The following KDM4A variants were observed in gnomAD, a reference collection of about 807,000 sequenced individuals.
The protein encoded by KDM4A is lysine-specific demethylase 4A.
Under a neutral mutation model 127.1 loss-of-function variants are expected in KDM4A, and 23 were observed. The observed-to-expected ratio is 0.18, with a 90% CI of 0.13 to 0.26. The LOEUF (loss-of-function observed/expected upper bound fraction) is 0.26. Among genes scored for constraint, KDM4A ranks in the 10% least tolerant of loss-of-function variants. The pLI is 1.00. For synonymous variants in KDM4A, 443 were observed against 466.5 expected (o/e 0.95, Z 0.65); for missense variants, 890 against 1,329.1 (o/e 0.67, Z 5.14).
chr1:43,665,551 T>TA, intron 5 of KDM4A, 145 bp from the exon 6 acceptor site: 1 of 668,364 alleles, frequency 1.5e-6, no homozygotes, highest in Non-Finnish European at 2.7e-6. Context: ...AACAGTCTAA[T>TA]ATTTCATTTT....
At chr1:43,656,295 G>GTGTAGGCC in intron 3 of KDM4A, among the ~76,000 whole-genome samples, 1 of 123,450 alleles carries the variant, frequency 8.1e-6, no homozygotes, top group East Asian at 2.4e-4. Context: ...ATCTTTCTTT[G>GTGTAGGCC]TGTAGGCCTG....
chr1:43,699,459 A>G (rs1314339015), intron 19 of KDM4A, among the ~76,000 whole-genome samples: 2 of 152,050 alleles, frequency 1.3e-5, no homozygotes, highest in Non-Finnish European at 2.9e-5. Flanking sequence ...GGTTATTTCA[A>G]GTATCTCTTT....
At chr1:43,676,441 C>T (rs1660743428) in intron 11 of KDM4A, among the ~76,000 whole-genome samples, 1 of 152,136 alleles carries the variant, frequency 6.6e-6, no homozygotes, top group Admixed American at 6.5e-5. Context: ...TTGCCTCAGC[C>T]TCCTGAGTAG....
chr1:43,689,492 T>C (rs1397092082), intron 13 of KDM4A, among the ~76,000 whole-genome samples: 1 of 152,198 alleles, frequency 6.6e-6, no homozygotes, highest in Non-Finnish European at 1.5e-5. Context: ...GATCCTCTAA[T>C]GTTGTTTTTC....
chr1:43,656,242 G>T (rs1255942519), intron 3 of KDM4A, among the ~76,000 whole-genome samples: 1 of 148,710 alleles, frequency 6.7e-6, no homozygotes, highest in East Asian at 2.0e-4. Context: ...GCTATTTTCT[G>T]TCACTCCTTC....
chr1:43,678,857 G>A (rs975085444), intron 11 of KDM4A, among the ~76,000 whole-genome samples: 2 of 152,150 alleles, frequency 1.3e-5, no homozygotes, highest in African/African-American at 4.8e-5. Flanking sequence ...AAAGTGCTGG[G>A]ATATAGGCAT....
At chr1:43,696,297 T>C (rs906849723) in intron 18 of KDM4A, among the ~76,000 whole-genome samples, 3 of 152,008 alleles carry the variant, frequency 2.0e-5, no homozygotes, top group Non-Finnish European at 2.9e-5. Context: ...AGCCAGACCG[T>C]AGTTGGGGAA....
At chr1:43,671,240 T>C (rs1426853740) in intron 10 of KDM4A, among the ~76,000 whole-genome samples, 2 of 152,186 alleles carry the variant, frequency 1.3e-5, no homozygotes, top group African/African-American at 2.4e-5. Flanking sequence ...TTACTGAGTG[T>C]CTGCTGAGTG....
In KDM4A at chr1:43,655,774, G is replaced by A. The variant is rs367739503; in HGVS notation, c.314+8G>A. Reference sequence around the variant, plus strand: ...GATAGCCAATAGCGATAAGTGAGTGGAAACCCTTTCTTACCTGACATAGCA... The same window carrying A: ...GATAGCCAATAGCGATAAGTGAGTGAAAACCCTTTCTTACCTGACATAGCA... On this transcript the variant is annotated splice_region_variant and intron_variant, in intron 3 of 21. Coordinates refer to ENST00000372396, the MANE Select transcript of KDM4A (RefSeq NM_014663.3). 1.2e-6 allele frequency: 2 copies of A among 1,601,902 alleles called. No individual in the cohort carries two copies. Among genetic ancestry groups the A allele is most frequent in the Non-Finnish European group, 8.5e-7 (1 of 1,172,312 alleles).
At chr1:43,667,737 T>A (rs1207671639) in intron 8 of KDM4A, 35 bp from the exon 9 acceptor site, 1 of 1,613,288 alleles carries the variant, frequency 6.2e-7, no homozygotes, top group South Asian at 1.1e-5. Context: ...CAGCAAGGTA[T>A]GCTCACCTGG....
At chr1:43,668,492 C>T (rs1205641285) in intron 9 of KDM4A, among the ~76,000 whole-genome samples, 1 of 152,146 alleles carries the variant, frequency 6.6e-6, no homozygotes, top group Non-Finnish European at 1.5e-5. Flanking sequence ...CTCCAGAAAC[C>T]TGAGAGCCAG....
intron 11 of KDM4A, among the ~76,000 whole-genome samples, chr1:43,675,298 C>A (rs907344579): frequency 6.6e-6 from 1 of 152,216 alleles, no homozygotes; most frequent in Non-Finnish European, 1.5e-5. Context: ...CAGGACTGTG[C>A]CTTCAAGGAG....
At chr1:43,673,368 AC>A (rs879851800) in intron 11 of KDM4A, among the ~76,000 whole-genome samples, 3 of 152,190 alleles carry the variant, frequency 2.0e-5, no homozygotes, top group Non-Finnish European at 4.4e-5. Context: ...AAATACCATC[AC>A]GAGCCCCCGC....
Position 43,670,157 on chromosome 1 carries a change from T to C in KDM4A, c.1363+858T>C, listed in dbSNP as rs1299824743. Among the ~76,000 whole-genome samples the C allele has an allele frequency of 3.9e-5, 6 of 152,230 alleles. No homozygotes were observed. In the East Asian group the frequency reaches 1.2e-3, roughly 29 times the overall value. On this transcript the variant is annotated intron_variant, in intron 10 of 21. Transcript: ENST00000372396. Reference sequence around the variant, plus strand: ...TTATATTTTAAGAGAGGGAGTGGTGTGATCAGTGCTGTTTAGCAGTCACTT... The same window carrying C: ...TTATATTTTAAGAGAGGGAGTGGTGCGATCAGTGCTGTTTAGCAGTCACTT...
At chr1:43,661,330 C>T (rs925094057) in intron 4 of KDM4A, among the ~76,000 whole-genome samples, 1 of 151,052 alleles carries the variant, frequency 6.6e-6, no homozygotes. Flanking sequence ...AATTCCAGGC[C>T]GGGTGTGGTG....
Position 43,693,412 on chromosome 1 carries a change from TC to T in KDM4A, c.2376-580del, listed in dbSNP as rs952167190. Among the ~76,000 whole-genome samples the T allele has an allele frequency of 2.6e-5, 4 of 152,238 alleles. No individual in the cohort carries two copies. Among genetic ancestry groups the T allele is most frequent in the Non-Finnish European group, 5.9e-5 (4 of 68,032 alleles). ...TGATGCATGCTGGTTTCCCAAAATG[TC>T]CAAAACTTACTTTAATTCTTAAGGA... On this transcript the variant is annotated intron_variant, in intron 16 of 21. Coordinates refer to ENST00000372396, the MANE Select transcript of KDM4A (RefSeq NM_014663.3). This position sits in a 1 kb window ranked among gnomAD's most constrained non-coding sequence, Gnocchi z 4.2.
chr1:43,658,834 T>C (rs784027), intron 3 of KDM4A, among the ~76,000 whole-genome samples: 3,019 of 151,928 alleles, frequency 0.02, 110 homozygotes, highest in African/African-American at 0.069. Flanking sequence ...TTTGTAGAAA[T>C]AGGATTTTGC....
chr1:43,700,455 T>C (rs1661360141), intron 19 of KDM4A, among the ~76,000 whole-genome samples: 1 of 151,908 alleles, frequency 6.6e-6, no homozygotes, highest in African/African-American at 2.4e-5. Context: ...GTCTTTCAGG[T>C]AATTGTGTTT....
rs377573574 is a variant in KDM4A at position 43,694,893 on chromosome 1, A to G, written c.2669A>G (p.Glu890Gly). ...TTTCGGCACAAGATTCCTAATTTGG[A>G]GGTGAGAGAGGGTGTCATTCTAGAA... ...TCFRHKIPNL[E>G]RAKGALQSIT... The change falls in exon 18 of 22, where the codon GAG (glutamate) becomes GGG (glycine). Residue 890 changes from glutamate to glycine, a missense_variant and splice_region_variant. Glu to Gly is a moderately conservative substitution (Grantham distance 98). Transcript: ENST00000372396. This position sits in a 1 kb window ranked among gnomAD's most constrained non-coding sequence, Gnocchi z 5.2. The G allele has an allele frequency of 6.3e-7, 1 of 1,591,172 alleles. No individual in the cohort carries two copies. Among genetic ancestry groups the G allele is most frequent in the African/African-American group, 1.3e-5 (1 of 74,632 alleles).
Sources: gnomAD v4.1 joint callset for allele counts (sites outside exome capture counted in the v4.1 genomes callset) on GRCh38, gnomAD v4.1.1 for gene constraint, Gnocchi (gnomAD v3.1) non-coding constraint, MANE v1.5 for transcripts, NCBI Gene and HGNC (gene_info 2026-07-23, HGNC 2026-07-21) for gene names.